Variants in CASC3 observed in about 807,000 individuals in gnomAD.
CASC3 encodes the protein protein CASC3.
CASC3 carries 30 observed loss-of-function variants against 80.5 expected under a neutral mutation model. The observed-to-expected ratio is 0.37, with a 90% CI of 0.28 to 0.51. The LOEUF (loss-of-function observed/expected upper bound fraction) is 0.51, where lower values mean the gene tolerates loss of function less well. Ranked by LOEUF, CASC3 falls within the 20% of genes least tolerant of loss-of-function variation. The pLI is 0.94. For synonymous variants in CASC3, 312 were observed against 333.6 expected (o/e 0.94, Z 0.70); for missense variants, 824 against 922.2 (o/e 0.89, Z 1.38).
intron 6 of CASC3, 90 bp from the exon 7 acceptor site, chr17:40,163,391 T>G: frequency 9.1e-7 from 1 of 1,101,000 alleles, no homozygotes; most frequent in Non-Finnish European, 1.3e-6. Context: ...CGTCTCGATC[T>G]CCCAAAGTGC....
chr17:40,162,692 T>C, intron 5 of CASC3, 33 bp from the exon 6 acceptor site: 1 of 1,607,942 alleles, frequency 6.2e-7, no homozygotes. Flanking sequence ...AGAATTCTGC[T>C]GACCCAAGAC....
chr17:40,165,649 C>T (rs1989429179), intron 7 of CASC3, among the ~76,000 whole-genome samples: 1 of 152,086 alleles, frequency 6.6e-6, no homozygotes, highest in Admixed American at 6.5e-5. Context: ...AAAGGCAAGC[C>T]TCCCTTATTT....
chr17:40,171,922 T>G lies in CASC3; in HGVS notation c.*1517T>G, dbSNP rs774648466. 1.7e-4 allele frequency: 220 copies of G among 1,263,430 alleles called. No individual in the cohort carries two copies. The highest frequency in any genetic ancestry group is 2.3e-4 in the Middle Eastern group (1 of 4,292). The allele number at this position is 1,263,430 out of a possible 1,614,324, so 78.3% of individuals were successfully genotyped here. A position where few individuals can be genotyped will look rare whatever the true frequency, so the allele number is the denominator to read the frequency against. On this transcript the variant is annotated 3_prime_UTR_variant, in exon 14 of 14. Coordinates refer to ENST00000264645, the MANE Select transcript of CASC3 (RefSeq NM_007359.5). ...AATAACTAAGAGATTCTTCTAGGGG[T>G]AGCTGGTGGTTGTGCCTTTTGTAGG...
chr17:40,158,452 T>C (rs1390612898), intron 3 of CASC3, among the ~76,000 whole-genome samples: 1 of 152,152 alleles, frequency 6.6e-6, no homozygotes, highest in African/African-American at 2.4e-5. Context: ...TGTGTTCTCG[T>C]AGGCCTCCCT....
At chr17:40,150,132 G>A (rs1414238781) in intron 3 of CASC3, among the ~76,000 whole-genome samples, 1 of 152,168 alleles carries the variant, frequency 6.6e-6, no homozygotes, top group African/African-American at 2.4e-5. Context: ...TGTAATCCAA[G>A]CACTTTGGGA....
At chr17:40,143,986 TC>T in intron 3 of CASC3, among the ~76,000 whole-genome samples, 1 of 152,198 alleles carries the variant, frequency 6.6e-6, no homozygotes, top group East Asian at 1.9e-4. Flanking sequence ...GCTTGGTGGC[TC>T]ACACCTGTAA....
chr17:40,154,532 C>G (rs916056340), intron 3 of CASC3, among the ~76,000 whole-genome samples: 3 of 151,464 alleles, frequency 2.0e-5, no homozygotes, highest in Non-Finnish European at 2.9e-5. Flanking sequence ...CTGCGCTTGG[C>G]CATTTTTTTT....
chr17:40,142,483 C>G (rs185059122), intron 3 of CASC3, among the ~76,000 whole-genome samples: 1 of 152,240 alleles, frequency 6.6e-6, no homozygotes, highest in African/African-American at 2.4e-5. Context: ...TCAAGAAAGC[C>G]CACAGGGGCC....
At chr17:40,160,738 T>A (rs1163055327) in intron 3 of CASC3, among the ~76,000 whole-genome samples, 4 of 151,420 alleles carry the variant, frequency 2.6e-5, no homozygotes, top group Non-Finnish European at 1.5e-5. Flanking sequence ...TCCCGGCTAA[T>A]TTTTGTATTT....
intron 1 of CASC3, 99 bp from the exon 2 acceptor site, chr17:40,141,108 A>G: frequency 8.7e-7 from 1 of 1,149,666 alleles, no homozygotes; most frequent in Non-Finnish European, 1.3e-6. Context: ...CTCTCCAACC[A>G]TTTTGTGCTG....
chr17:40,166,492 ATC>A (rs2145181547), intron 7 of CASC3, among the ~76,000 whole-genome samples: 1 of 152,268 alleles, frequency 6.6e-6, no homozygotes, highest in Non-Finnish European at 1.5e-5. Context: ...GCTAATTATA[ATC>A]TCTCAGGGAT....
rs1232123113 is a variant in CASC3 at position 40,163,616 on chromosome 17, G to A, written c.921G>A (p.Met307Ile). ...INRNAAGTGR[M>I]SAPRNYSRSG... is the part of the protein sequence containing the mutation. ...GGAATGCTGCAGGTACCGGCCGTAT[G>A]TCTGCACCCAGGAATTATTCTCGAT... is the stretch of plus-strand genomic sequence containing the variant. The change falls in exon 7 of 14, where the codon ATG (methionine) becomes ATA (isoleucine). Residue 307 changes from methionine (M) to isoleucine (I), a missense_variant. Met to Ile is a conservative substitution (Grantham distance 10). Transcript: ENST00000264645. The A allele has an allele frequency of 6.2e-7, 1 of 1,614,156 alleles. No individual in the cohort carries two copies. Among genetic ancestry groups the A allele is most frequent in the South Asian group, 1.1e-5 (1 of 91,078 alleles).
intron 3 of CASC3, among the ~76,000 whole-genome samples, chr17:40,155,190 A>G (rs889269219): frequency 3.3e-5 from 5 of 151,538 alleles, no homozygotes; most frequent in East Asian, 1.9e-4. Context: ...CGCCTGGCCA[A>G]CTTCATTCTT....
At chr17:40,160,314 G>A (rs1238731166) in intron 3 of CASC3, among the ~76,000 whole-genome samples, 2 of 152,044 alleles carry the variant, frequency 1.3e-5, no homozygotes, top group African/African-American at 2.4e-5. Context: ...GCAACATAGC[G>A]AGACCTCGTC....
Position 40,167,575 on chromosome 17 carries a change from G to T in CASC3, c.1614G>T (p.Val538=), listed in dbSNP as rs1283246384. The change falls in exon 9 of 14, where the codon GTG becomes GTT. Residue 538 remains valine, a synonymous_variant. Coordinates refer to ENST00000264645, the MANE Select transcript of CASC3 (RefSeq NM_007359.5). ...RPVPEPPAPP[V]HISIMEGHYY... is the part of the protein sequence containing the mutation. The stretch of plus-strand genomic sequence containing the variant: ...TGCCAGAGCCCCCCGCCCCTCCAGT[G>T]CATATCAGTATCATGGAGGGACATT... 6 of 1,613,752 alleles carry T rather than the reference G, an allele frequency of 3.7e-6. No individual in the cohort carries two copies. The Admixed American group carries it at 1.0e-4, about 27-fold the overall frequency.
In CASC3 at chr17:40,140,657, A is replaced by G; in HGVS notation, c.109A>G (p.Ser37Gly). The change falls in exon 1 of 14, where the codon AGC (serine) becomes GGC (glycine). Residue 37 changes from serine to glycine, a missense_variant. By Grantham distance (56) the Ser-to-Gly change is moderately conservative (BLOSUM62 0). Transcript: ENST00000264645. ...CCCGTTGCGGGGAGGCGGGAGCTGC[A>G]GCGGTAGCGCCGGAGGCGGCGGCAG... is the stretch of plus-strand genomic sequence containing the variant. ...GSPLRGGGSCSGSAGGGGSGS... is the reference protein window; with the variant it reads ...GSPLRGGGSCGGSAGGGGSGS... The G allele has an allele frequency of 6.2e-7, 1 of 1,606,716 alleles. No individual in the cohort carries two copies. Among genetic ancestry groups the G allele is most frequent in the African/African-American group, 1.3e-5 (1 of 74,776 alleles).
intron 3 of CASC3, among the ~76,000 whole-genome samples, chr17:40,161,468 C>G (rs536974486): frequency 6.6e-6 from 1 of 152,266 alleles, no homozygotes; most frequent in Non-Finnish European, 1.5e-5. Flanking sequence ...ATCACGAAAT[C>G]AGGAGTTCAA....
Position 40,141,139 on chromosome 17 carries a change from C to T in CASC3, c.232-68C>T, listed in dbSNP as rs372056730. ...TGCTGAATCTTCAGCTTTTCACCCA[C>T]ATTTCTTTATTGGGCTCCCCACCTC... On this transcript the variant is annotated intron_variant, in intron 1 of 13. Transcript: ENST00000264645. The T allele has an allele frequency of 3.0e-5, 42 of 1,423,456 alleles. No individual in the cohort carries two copies. The African/African-American group carries it at 5.6e-4, about 19-fold the overall frequency. 88.2% of individuals were successfully genotyped at this position (1,423,456 alleles called of 1,614,324 possible). A position where few individuals can be genotyped will look rare whatever the true frequency, so the allele number is the denominator to read the frequency against.
At position 40,164,144 on chromosome 17, in the gene CASC3, C is replaced by G. The variant is rs1352829950; in HGVS notation, c.1449C>G (p.Phe483Leu). Residue 483 changes from phenylalanine to leucine, a missense_variant, in exon 7 of 14, where the codon TTC (phenylalanine) becomes TTG (leucine). By Grantham distance (22) the Phe-to-Leu change is conservative (BLOSUM62 0). This residue lies in a region of CASC3 where 464 missense variants were observed against 506.0 expected (regional missense o/e 0.92). Coordinates refer to ENST00000264645, the MANE Select transcript of CASC3 (RefSeq NM_007359.5). ...EQNWSPGQPSFLQPRELRGMP... is the reference protein window; with the variant it reads ...EQNWSPGQPSLLQPRELRGMP... Reference sequence around the variant, plus strand: ...ATTGGAGTCCGGGGCAGCCTTCTTTCCTGCAACCACGGGAACTTCGAGGTA... The same window carrying G: ...ATTGGAGTCCGGGGCAGCCTTCTTTGCTGCAACCACGGGAACTTCGAGGTA... 6 of 1,607,020 alleles carry G rather than the reference C, an allele frequency of 3.7e-6. No individual in the cohort carries two copies. Among genetic ancestry groups the G allele is most frequent in the Non-Finnish European group, 4.2e-6 (5 of 1,177,940 alleles).
Sources: gnomAD v4.1 joint callset for allele counts (sites outside exome capture counted in the v4.1 genomes callset) on GRCh38, gnomAD v4.1.1 for gene constraint, gnomAD v4.1.1 regional missense constraint, MANE v1.5 for transcripts, NCBI Gene and HGNC (gene_info 2026-07-23, HGNC 2026-07-21) for gene names.